ZNF248: variants seen among roughly 807,000 people sequenced by gnomAD.
ZNF248 encodes zinc finger protein 248, also known as KRAB protein domain.
Under a neutral mutation model 44.3 loss-of-function variants are expected in ZNF248, and 20 were observed. The ratio of observed to expected loss-of-function variants is 0.45; its 90% CI spans 0.32 to 0.66. The LOEUF (loss-of-function observed/expected upper bound fraction) is 0.66, where lower values mean the gene tolerates loss of function less well. ZNF248 is among the 30% of genes least tolerant of loss of function. ZNF248 has a pLI of 0.04. For missense variants in ZNF248, 654 were observed against 677.0 expected (o/e 0.97, Z 0.38); for synonymous variants, 224 against 229.0 (o/e 0.98, Z 0.20).
At chr10:37,785,712 A>C (rs991908493) in intron 6 of ZNF248, among the ~76,000 whole-genome samples, 1 of 152,182 alleles carries the variant, frequency 6.6e-6, no homozygotes, top group Non-Finnish European at 1.5e-5. Context: ...AATGTCCCTG[A>C]AAGATGGTGA....
At chr10:37,791,038 A>ATTTTTTTTTTTTTTTTTTTTTT (rs1554813574) in intron 6 of ZNF248, among the ~76,000 whole-genome samples, 1 of 39,646 alleles carries the variant, frequency 2.5e-5, no homozygotes, top group African/African-American at 9.7e-5. Flanking sequence ...ATACTTTGTT[A>ATTTTTTTTTTTTTTTTTTTTTT]TTTCTTTTTT....
At chr10:37,852,483 T>G (rs982479397) in intron 3 of ZNF248, among the ~76,000 whole-genome samples, 13 of 151,856 alleles carry the variant, frequency 8.6e-5, no homozygotes, top group African/African-American at 3.1e-4. Context: ...TGGCTGGGGT[T>G]GGGGAATGAC....
chr10:37,822,042 C>A (rs752491536), intron 6 of ZNF248, among the ~76,000 whole-genome samples: 23 of 152,314 alleles, frequency 1.5e-4, no homozygotes, highest in Non-Finnish European at 2.6e-4. Flanking sequence ...AGGGGCTATG[C>A]CTTCCCCTCC....
the ZNF248 span, among the ~76,000 whole-genome samples, chr10:37,768,535 G>A: frequency 3.3e-5 from 5 of 152,100 alleles, no homozygotes; most frequent in African/African-American, 4.8e-5. Flanking sequence ...GGTACATAAC[G>A]AGATGAAGGC....
chr10:37,763,207 C>T, the ZNF248 span, among the ~76,000 whole-genome samples: 1 of 152,196 alleles, frequency 6.6e-6, no homozygotes, highest in Admixed American at 6.5e-5. Context: ...GAGCTTTACA[C>T]AGCTCTCCAT....
Position 37,782,215 on chromosome 10 carries a change from T to A in ZNF248, c.331-5640A>T, listed in dbSNP as rs76617712. Among the ~76,000 whole-genome samples, 983 of 152,300 alleles carry A rather than the reference T, an allele frequency of 6.5e-3. 10 individuals are homozygous for A. Among genetic ancestry groups the A allele is most frequent in the African/African-American group, 0.022 (930 of 41,558 alleles). ...CCTCTAGTACTATGTTGCACACCAT[T>A]GTATTTTGGAAACAGATTGTTTTTT... On this transcript the variant is annotated intron_variant, in intron 6 of 6. Coordinates refer to the ZNF248 transcript ENST00000615949.
chr10:37,760,363 C>T, the ZNF248 span, among the ~76,000 whole-genome samples: 1 of 152,054 alleles, frequency 6.6e-6, no homozygotes, highest in Non-Finnish European at 1.5e-5. Context: ...ACTGAGTAGC[C>T]AGGTCTACAG....
At chr10:37,815,075 C>CA (rs1564520433) in intron 6 of ZNF248, among the ~76,000 whole-genome samples, 1 of 150,932 alleles carries the variant, frequency 6.6e-6, no homozygotes, top group Non-Finnish European at 1.5e-5. Flanking sequence ...TTTTTTCAGA[C>CA]TTTTTTTTTG....
rs2061277244 is a variant in ZNF248 at position 37,856,320 on chromosome 10, T to G, written c.-10A>C. Reference sequence around the variant, plus strand: ...CCTGGGATTTGTTCATTTTCCGCTCTTAGTGGAGGAAGGAGAGCTGAAGGA... The same window carrying G: ...CCTGGGATTTGTTCATTTTCCGCTCGTAGTGGAGGAAGGAGAGCTGAAGGA... On this transcript the variant is annotated 5_prime_UTR_variant, in exon 3 of 6. Transcript: ENST00000395867. The G allele has an allele frequency of 6.2e-7, 1 of 1,613,544 alleles. No homozygotes were observed. The highest frequency in any genetic ancestry group is 1.3e-5 in the African/African-American group (1 of 74,894).
At chr10:37,857,656 A>C (rs2061539743), upstream of ZNF248, 2 of 152,220 alleles carry the variant, frequency 1.3e-5, no homozygotes, top group Admixed American at 6.5e-5. Flanking sequence ...ACACGCACAC[A>C]TCAAACGCCA....
downstream of ZNF248, among the ~76,000 whole-genome samples, chr10:37,771,954 C>A (rs538503053): frequency 7.2e-5 from 11 of 152,178 alleles, no homozygotes; most frequent in South Asian, 2.3e-3. Flanking sequence ...ACCCCTAAGA[C>A]ATTTTGCAAA....
At chr10:37,828,172 T>C (rs2133801933), downstream of ZNF248, among the ~76,000 whole-genome samples, 1 of 152,290 alleles carries the variant, frequency 6.6e-6, no homozygotes, top group South Asian at 2.1e-4. Context: ...GAAACAGAAT[T>C]TGTTGGTTTA....
intron 6 of ZNF248, among the ~76,000 whole-genome samples, chr10:37,781,155 G>A (rs935293981): frequency 5.3e-5 from 8 of 152,320 alleles, no homozygotes; most frequent in Admixed American, 3.9e-4. Flanking sequence ...CATGTCCTGT[G>A]TGATGGTATA....
downstream of ZNF248, among the ~76,000 whole-genome samples, chr10:37,825,168 T>A (rs1269857772): frequency 1.3e-5 from 2 of 152,096 alleles, no homozygotes; most frequent in Non-Finnish European, 2.9e-5. Context: ...CTTAGATTTG[T>A]AAGAGCACAT....
At chr10:37,823,333 C>CAAAAAAAAAAAAAAAA (rs60957023) in intron 6 of ZNF248, among the ~76,000 whole-genome samples, 1 of 17,530 alleles carries the variant, frequency 5.7e-5, no homozygotes, top group Non-Finnish European at 9.7e-5. Context: ...ACTCCGTCTC[C>CAAAAAAAAAAAAAAAA]AAAAAAAAAA....
At chr10:37,841,443 T>C (rs2058331667) in intron 3 of ZNF248, among the ~76,000 whole-genome samples, 2 of 147,002 alleles carry the variant, frequency 1.4e-5, no homozygotes, top group South Asian at 4.3e-4. Flanking sequence ...AACAAAATTG[T>C]CTACCAAAAA....
chr10:37,813,026 A>G (rs1407624734), intron 6 of ZNF248, among the ~76,000 whole-genome samples: 13 of 100,538 alleles, frequency 1.3e-4, no homozygotes, highest in Middle Eastern at 5.5e-3. Context: ...TGGCAAAAAG[A>G]AAAAAAAAAA....
At chr10:37,778,172 T>C (rs1382835367) in intron 6 of ZNF248, among the ~76,000 whole-genome samples, 3 of 152,154 alleles carry the variant, frequency 2.0e-5, no homozygotes, top group Admixed American at 2.0e-4. Context: ...AGTGTTCCTA[T>C]TTCTCCACAT....
At chr10:37,839,506 A>ACACAC (rs1564616869) in intron 3 of ZNF248, among the ~76,000 whole-genome samples, 21 of 110,920 alleles carry the variant, frequency 1.9e-4, no homozygotes, top group African/African-American at 5.5e-4. Flanking sequence ...TGTATACACA[A>ACACAC]ACACACACAC....
Sources: gnomAD v4.1 joint callset for allele counts (sites outside exome capture counted in the v4.1 genomes callset) on GRCh38, gnomAD v4.1.1 for gene constraint, MANE v1.5 for transcripts, NCBI Gene and HGNC (gene_info 2026-07-23, HGNC 2026-07-21) for gene names.